Variants in CLSPN observed in about 807,000 individuals in gnomAD.
CLSPN encodes claspin, also known as claspin homolog.
A neutral mutation model predicts 156.3 loss-of-function variants in CLSPN; 85 were observed. The ratio of observed to expected loss-of-function variants is 0.54; its 90% confidence interval spans 0.46 to 0.65. The LOEUF (loss-of-function observed/expected upper bound fraction) is 0.65. CLSPN is among the 30% of genes least tolerant of loss of function. CLSPN has a pLI of 0.00. For synonymous variants in CLSPN, 534 were observed against 542.4 expected, an observed-to-expected ratio of 0.98 and a Z score of 0.22; for missense variants, 1,407 against 1,554.9, an observed-to-expected ratio of 0.90 and a Z score of 1.60.
downstream of CLSPN, among the ~76,000 whole-genome samples, chr1:35,728,077 C>CTTTTTTTTTTTTT (rs59275877): frequency 4.8e-5 from 5 of 103,982 alleles, no homozygotes; most frequent in African/African-American, 7.2e-5. Flanking sequence ...AAACCACAAG[C>CTTTTTTTTTTTTT]TTTTTTTTTT....
chr1:35,750,995 G>A (rs1642063702), intron 10 of CLSPN, among the ~76,000 whole-genome samples: 1 of 151,202 alleles, frequency 6.6e-6, no homozygotes, highest in Non-Finnish European at 1.5e-5. Flanking sequence ...ATAAACAGGT[G>A]GAAGCCCAGG....
rs1274912133 is a variant in CLSPN, at chr1:35,743,230, A to G, written c.3054T>C (p.Ser1018=). ...CCAGTGCCAGATCATTACCAGAGTC[A>G]CTGTGTTCATCCTACAAAATCAGCA... ...NEFDSDEDEH[S]DSGNDLALED... The change falls in exon 18 of 25, where the codon AGT becomes AGC. Residue 1018 remains serine, a synonymous_variant. Transcript: ENST00000318121. The G allele has an allele frequency of 5.6e-6, 9 of 1,613,350 alleles. No individual in the cohort carries two copies. Among genetic ancestry groups the G allele is most frequent in the Non-Finnish European group, 7.6e-6 (9 of 1,179,276 alleles).
chr1:35,720,391 T>TA (rs1451966414), exon 25 of CLSPN: 29 of 151,860 alleles, frequency 1.9e-4, no homozygotes, highest in African/African-American at 6.5e-4. Flanking sequence ...TCCCTTCCCT[T>TA]ATCCACTTCA....
intron 17 of CLSPN, 31 bp downstream of exon 17, chr1:35,743,424 G>A (rs201867096): frequency 8.8e-5 from 138 of 1,573,922 alleles, no homozygotes; most frequent in Non-Finnish European, 1.1e-4. Flanking sequence ...ATGGAGCTCA[G>A]TTATGATTAC....
Position 35,769,726 on chromosome 1 carries a change from C to A in CLSPN, c.24+121G>T, listed in dbSNP as rs576887640. 112 of 942,320 alleles carry A rather than the reference C, an allele frequency of 1.2e-4. No individual in the cohort carries two copies. In the African/African-American group the frequency reaches 1.7e-3, roughly 14 times the overall value. The allele number at this position is 942,320 out of a possible 1,614,324, so 58.4% of individuals were successfully genotyped here. A position where few individuals can be genotyped will look rare whatever the true frequency, so the allele number is the denominator to read the frequency against. On this transcript the variant is annotated intron_variant, in intron 1 of 24. Transcript: ENST00000318121. The stretch of plus-strand genomic sequence containing the variant: ...AGGCCGCGGGAGCCGGCGCGGCGAA[C>A]GCCGGGAGCCGCAGTCCTCCCGCCC...
At chr1:35,731,645 G>A (rs1056040369), downstream of CLSPN, among the ~76,000 whole-genome samples, 1 of 152,154 alleles carries the variant, frequency 6.6e-6, no homozygotes, top group Admixed American at 6.5e-5. Context: ...GGACCAGGGG[G>A]CTGGCCATAG....
intron 9 of CLSPN, among the ~76,000 whole-genome samples, chr1:35,752,778 G>A (rs1642138445): frequency 6.6e-6 from 1 of 152,084 alleles, no homozygotes; most frequent in African/African-American, 2.4e-5. Flanking sequence ...TCATAGGGTT[G>A]TAAGGATTAA....
intron 1 of CLSPN, 105 bp downstream of exon 1, chr1:35,769,742 C>T: frequency 2.6e-6 from 3 of 1,147,644 alleles, no homozygotes; most frequent in Non-Finnish European, 3.5e-6. Flanking sequence ...GAGCCGCAGT[C>T]CTCCCGCCCG....
At position 35,741,727 on chromosome 1, in the gene CLSPN, C is replaced by T. The variant is rs573507979; in HGVS notation, c.3143+1414G>A. Among the ~76,000 whole-genome samples, 119 of 151,686 alleles carry T rather than the reference C, an allele frequency of 7.8e-4. 1 individual carries two copies. Among genetic ancestry groups the T allele is most frequent in the African/African-American group, 2.8e-3 (117 of 41,396 alleles). The stretch of plus-strand genomic sequence containing the variant: ...GGGTGGCTCACGCCTGTAATCCCAG[C>T]ATGTTGGAAGGCCAAGGCGGGTGGA... On this transcript the variant is annotated intron_variant, in intron 18 of 24. Transcript: ENST00000318121.
At position 35,737,105 on chromosome 1, in the gene CLSPN, A is replaced by T. The variant is rs777181717; in HGVS notation, c.3748-30T>A. 12 of 1,604,732 alleles carry T rather than the reference A, an allele frequency of 7.5e-6. No individual in the cohort carries two copies. The South Asian group carries it at 1.1e-4, about 15-fold the overall frequency. On this transcript the variant is annotated intron_variant, in intron 23 of 24. Transcript: ENST00000318121. ...GGAAAGAAGAGTCATCTGGTATCAAATCCCAAGTGCCAACTAAAGAATGAA... is the reference window on the plus strand; with the variant it reads ...GGAAAGAAGAGTCATCTGGTATCAATTCCCAAGTGCCAACTAAAGAATGAA...
chr1:35,739,080 T>G (rs2148613605), intron 20 of CLSPN, 56 bp downstream of exon 20: 1 of 1,606,964 alleles, frequency 6.2e-7, no homozygotes, highest in East Asian at 2.2e-5. Context: ...ATTACAGGCG[T>G]GAGCCACCAT....
rs755664841 is a variant in CLSPN at position 35,760,437 on chromosome 1, T to C, written c.1484A>G (p.Asp495Gly). ...ATCTACTCCCAGTTGCTTAAGTCTA[T>C]CCAGAGTAAACCGTCTCACTTTTTC... ...PPEKVRRFTL[D>G]RLKQLGVDVS... The change falls in exon 8 of 25, where the codon GAT becomes GGT. Residue 495 changes from aspartate (D) to glycine (G), a missense_variant. Physicochemically the swap from Asp to Gly is moderately conservative, Grantham distance 94. This residue lies in a region of CLSPN where 1,096 missense variants were observed against 1,193.0 expected (regional missense o/e 0.92). Coordinates refer to ENST00000318121, the MANE Select transcript of CLSPN (RefSeq NM_022111.4). 3.1e-6 allele frequency: 5 copies of C among 1,614,230 alleles called. No homozygotes were observed. The highest frequency in any genetic ancestry group is 3.4e-6 in the Non-Finnish European group (4 of 1,180,038).
At chr1:35,748,330 T>C (rs1641961561) in intron 13 of CLSPN, 75 bp downstream of exon 13, 1 of 1,411,616 alleles carries the variant, frequency 7.1e-7, no homozygotes, top group Admixed American at 1.7e-5. Context: ...GGGAGTTGGT[T>C]GGCTGGGACA....
intron 9 of CLSPN, among the ~76,000 whole-genome samples, chr1:35,751,996 T>C (rs142907009): frequency 1.3e-5 from 2 of 152,178 alleles, no homozygotes; most frequent in African/African-American, 2.4e-5. Flanking sequence ...TGGCAAAAAT[T>C]AGAAGGTTTG....
At chr1:35,738,702 A>C in intron 20 of CLSPN, 120 bp from the exon 21 acceptor site, 1 of 1,003,248 alleles carries the variant, frequency 1.0e-6, no homozygotes, top group Non-Finnish European at 1.4e-6. Context: ...CCCATCCATT[A>C]ACAGAAAACA....
At chr1:35,769,458 G>A (rs919610823) in intron 1 of CLSPN, among the ~76,000 whole-genome samples, 1 of 152,200 alleles carries the variant, frequency 6.6e-6, no homozygotes, top group Non-Finnish European at 1.5e-5. Flanking sequence ...GAATCCCCCC[G>A]CACCGCTGCG....
chr1:35,744,482 G>A (rs543126956), intron 16 of CLSPN, among the ~76,000 whole-genome samples: 2 of 152,102 alleles, frequency 1.3e-5, no homozygotes, highest in South Asian at 4.2e-4. Flanking sequence ...TTTTTATAGG[G>A]ATGGGGTTTT....
At chr1:35,753,272 G>A (rs1437375311) in intron 9 of CLSPN, among the ~76,000 whole-genome samples, 1 of 151,172 alleles carries the variant, frequency 6.6e-6, no homozygotes, top group African/African-American at 2.4e-5. Flanking sequence ...TTTTTTTTTG[G>A]TAGAGATGAG....
chr1:35,748,171 T>C (rs1641956065), intron 13 of CLSPN, 110 bp from the exon 14 acceptor site: 5 of 1,304,898 alleles, frequency 3.8e-6, no homozygotes, highest in Non-Finnish European at 5.3e-6. Flanking sequence ...TCTCAGGAAA[T>C]TGTAGTTGAG....
Sources: gnomAD v4.1 joint callset for allele counts (sites outside exome capture counted in the v4.1 genomes callset) on GRCh38, gnomAD v4.1.1 for gene constraint, gnomAD v4.1.1 regional missense constraint, MANE v1.5 for transcripts, NCBI Gene and HGNC (gene_info 2026-07-23, HGNC 2026-07-21) for gene names.